Variants in CEP104 observed in about 807,000 individuals in gnomAD.
The protein encoded by CEP104 is centrosomal protein 104.
In CEP104, 84 loss-of-function variants were observed where a neutral mutation model predicts 113.3. The observed-to-expected ratio is 0.74, with a 90% CI of 0.62 to 0.89. The LOEUF (loss-of-function observed/expected upper bound fraction) is 0.89. Among genes scored for constraint, CEP104 ranks in the 40% least tolerant of loss-of-function variants. The pLI is 0.00. For synonymous variants in CEP104, 378 were observed against 421.7 expected, an observed-to-expected ratio of 0.90 and a Z score of 1.27; for missense variants, 1,053 against 1,156.6, an observed-to-expected ratio of 0.91 and a Z score of 1.30.
intron 4 of CEP104, among the ~76,000 whole-genome samples, 183 bp downstream of exon 4, chr1:3,847,292 C>T (rs1438588305): frequency 6.6e-6 from 1 of 152,200 alleles, no homozygotes; most frequent in Non-Finnish European, 1.5e-5. Flanking sequence ...GTGGTGGGCA[C>T]TGGCCACGTG....
rs34966926 is a variant in CEP104, at chr1:3,835,164, GT to G, written c.1318-73del. On this transcript the variant is annotated intron_variant, in intron 10 of 21. Coordinates refer to ENST00000378230, the MANE Select transcript of CEP104 (RefSeq NM_014704.4). The stretch of plus-strand genomic sequence containing the variant: ...CAACACTACACAACTTGAAGGCTTT[GT>G]TTTTTTTTTAACTAAAATGATTCAT... The G allele has an allele frequency of 2.9e-3, 2,888 of 1,004,080 alleles. 10 individuals are homozygous for G. Among genetic ancestry groups the G allele is most frequent in the African/African-American group, 0.021 (1,226 of 57,250 alleles). 62.2% of individuals were successfully genotyped at this position (1,004,080 alleles called of 1,614,324 possible). A position where few individuals can be genotyped will look rare whatever the true frequency, so the allele number is the denominator to read the frequency against.
rs1455683631 is a variant in CEP104, at chr1:3,823,043, G to C, written c.2571+131C>G. 18 of 793,636 alleles carry C rather than the reference G, an allele frequency of 2.3e-5. No homozygotes were observed. Among genetic ancestry groups the C allele is most frequent in the Non-Finnish European group, 3.6e-5 (17 of 473,208 alleles). 49.2% of individuals were successfully genotyped at this position (793,636 alleles called of 1,614,324 possible). ...GCTCAGACAGGGCTCACTAGACGCT[G>C]TCCCCTCCCTGAACACTCATGTACT... On this transcript the variant is annotated intron_variant, in intron 20 of 21. Transcript: ENST00000378230. The surrounding 1 kb of genome is among the most constrained non-coding windows in gnomAD (Gnocchi z 4.1).
At chr1:3,816,215 G>A in intron 21 of CEP104, 65 bp downstream of exon 21, 1 of 1,386,494 alleles carries the variant, frequency 7.2e-7, no homozygotes, top group Non-Finnish European at 9.8e-7. Context: ...GGACGGGGAT[G>A]CTTTTTTGAA....
At chr1:3,815,549 G>T in intron 21 of CEP104, 32 bp from the exon 22 acceptor site, 1 of 1,474,472 alleles carries the variant, frequency 6.8e-7, no homozygotes, top group East Asian at 2.3e-5. Context: ...TGCATTAGGA[G>T]GGGCACTCCT....
chr1:3,849,266 C>CT lies in CEP104; in HGVS notation c.114-486dup, dbSNP rs59794257. ...GCTTCTTTGCTCAAAAGTGACATAA[C>CT]TTTTTTTTTTTTTTTTTTTGGGAAA... On this transcript the variant is annotated intron_variant, in intron 2 of 21. Coordinates refer to ENST00000378230, the MANE Select transcript of CEP104 (RefSeq NM_014704.4). Among the ~76,000 whole-genome samples the CT allele has an allele frequency of 2.3e-3, 293 of 127,364 alleles. 2 individuals carry two copies. The highest frequency in any genetic ancestry group is 6.9e-3 in the African/African-American group (236 of 34,194). The allele number at this position is 127,364 out of a possible 152,430, so 83.6% of individuals were successfully genotyped here. A position where few individuals can be genotyped will look rare whatever the true frequency, so the allele number is the denominator to read the frequency against.
At chr1:3,838,029 TC>T (rs1260909948) in intron 8 of CEP104, among the ~76,000 whole-genome samples, 1 of 152,236 alleles carries the variant, frequency 6.6e-6, no homozygotes, top group African/African-American at 2.4e-5. Flanking sequence ...TAATGCTTAC[TC>T]TGTTTACCCC....
At chr1:3,850,319 A>G (rs1012363695) in intron 2 of CEP104, among the ~76,000 whole-genome samples, 6 of 152,276 alleles carry the variant, frequency 3.9e-5, no homozygotes, top group Admixed American at 3.9e-4. Context: ...ACACAGCTAA[A>G]AAGGCTAGTA....
chr1:3,853,670 G>A (rs1487180902), intron 1 of CEP104, among the ~76,000 whole-genome samples: 1 of 152,122 alleles, frequency 6.6e-6, no homozygotes, highest in Non-Finnish European at 1.5e-5. Context: ...ATGAACAAAA[G>A]CACTAAAATA....
intron 15 of CEP104, among the ~76,000 whole-genome samples, chr1:3,827,994 A>G (rs926933971): frequency 6.6e-6 from 1 of 152,006 alleles, no homozygotes; most frequent in African/African-American, 2.4e-5. Flanking sequence ...AGCTGTGTGG[A>G]GGCTGTGCAG....
chr1:3,855,124 A>C (rs1644689410), intron 1 of CEP104, among the ~76,000 whole-genome samples: 1 of 149,444 alleles, frequency 6.7e-6, no homozygotes, highest in African/African-American at 2.5e-5. Context: ...CACCCGCCTC[A>C]GCCTCCCAAA....
At position 3,825,289 on chromosome 1, in the gene CEP104, G is replaced by A. The variant is rs79468982; in HGVS notation, c.2364+469C>T. ...CAACACATTGTGAACCCAAGAAAGT[G>A]CATTCCTGTGCATCCTGGAAGACAC... On this transcript the variant is annotated intron_variant, in intron 18 of 21. Coordinates refer to ENST00000378230, the MANE Select transcript of CEP104 (RefSeq NM_014704.4). 8.9e-3 allele frequency among the ~76,000 whole-genome samples: 1,359 copies of A among 152,286 alleles called. 45 individuals carry two copies. In the East Asian group the frequency reaches 0.1, roughly 11 times the overall value.
At chr1:3,851,034 A>G (rs3765779) in intron 2 of CEP104, among the ~76,000 whole-genome samples, 138,170 of 152,184 alleles carry the variant, frequency 0.91, 63,389 homozygotes, top group Middle Eastern at 0.97. Flanking sequence ...AGGAGAGGGC[A>G]GAGCGCTGGG....
chr1:3,820,340 C>T (rs187381664), intron 20 of CEP104, among the ~76,000 whole-genome samples: 59 of 152,268 alleles, frequency 3.9e-4, no homozygotes, highest in Admixed American at 1.7e-3. Context: ...GGTAACAACT[C>T]GAATGCAAAC....
chr1:3,854,782 TTCA>T (rs1644682028), intron 1 of CEP104, among the ~76,000 whole-genome samples: 1 of 151,146 alleles, frequency 6.6e-6, no homozygotes, highest in Non-Finnish European at 1.5e-5. Context: ...CCAGGCCCCT[TTCA>T]TCATCTTTCA....
chr1:3,819,147 C>T lies in CEP104; in HGVS notation c.2572-2777G>A, dbSNP rs188312933. Among the ~76,000 whole-genome samples, 54 of 152,286 alleles carry T rather than the reference C, an allele frequency of 3.5e-4. No homozygotes were observed. In the East Asian group the frequency reaches 9.3e-3, roughly 26 times the overall value. On this transcript the variant is annotated intron_variant, in intron 20 of 21. Transcript: ENST00000378230. The surrounding 1 kb of genome is among the most constrained non-coding windows in gnomAD (Gnocchi z 4.6). ...TACCTAGTATGTTCAAGGACTTGAA[C>T]GTGCAATGAAGTGCTACTGATCTAT...
In CEP104 at chr1:3,815,308, TG is replaced by T; in HGVS notation, c.*93del. 1.1e-6 allele frequency: 1 copy of T among 942,712 alleles called. No homozygotes were observed. The allele number at this position is 942,712 out of a possible 1,614,324, so 58.4% of individuals were successfully genotyped here. A position where few individuals can be genotyped will look rare whatever the true frequency, so the allele number is the denominator to read the frequency against. The stretch of plus-strand genomic sequence containing the variant: ...GGAGCTGGGGACAGCAGCCAGAGCA[TG>T]GGGCCACCAAGGCCAGAGAGTTCTG... On this transcript the variant is annotated 3_prime_UTR_variant, in exon 22 of 22. Coordinates refer to ENST00000378230, the MANE Select transcript of CEP104 (RefSeq NM_014704.4).
At chr1:3,840,232 T>A (rs186372817) in intron 6 of CEP104, among the ~76,000 whole-genome samples, 33 of 152,222 alleles carry the variant, frequency 2.2e-4, no homozygotes, top group Admixed American at 2.0e-3. Context: ...AACACAGTAT[T>A]TTTTTCTTCT....
At chr1:3,844,337 G>T (rs968580484) in intron 6 of CEP104, among the ~76,000 whole-genome samples, 1 of 152,142 alleles carries the variant, frequency 6.6e-6, no homozygotes, top group Non-Finnish European at 1.5e-5. Flanking sequence ...GCTGGGCACG[G>T]TGGCTCACAT....
At chr1:3,847,406 G>T in intron 4 of CEP104, 69 bp downstream of exon 4, 1 of 1,396,730 alleles carries the variant, frequency 7.2e-7, no homozygotes, top group African/African-American at 1.5e-5. Context: ...TCTAAGAAAA[G>T]ATACGTGACC....
Sources: gnomAD v4.1 joint callset for allele counts (sites outside exome capture counted in the v4.1 genomes callset) on GRCh38, gnomAD v4.1.1 for gene constraint, Gnocchi (gnomAD v3.1) non-coding constraint, MANE v1.5 for transcripts, NCBI Gene and HGNC (gene_info 2026-07-23, HGNC 2026-07-21) for gene names.